Variants in C1D observed in about 807,000 individuals in gnomAD.
C1D encodes nuclear nucleic acid-binding protein C1D.
Under a neutral mutation model 17.5 loss-of-function variants are expected in C1D, and 10 were observed. That is an observed-to-expected ratio of 0.57 (90% CI 0.35 to 0.97). The LOEUF is 0.97. Among genes scored for constraint, C1D ranks in the 50% least tolerant of loss-of-function variants. The pLI is 0.01. For missense variants in C1D, 136 were observed against 160.1 expected, an observed-to-expected ratio of 0.85 and a Z score of 0.81; for synonymous variants, 49 against 54.0, an observed-to-expected ratio of 0.91 and a Z score of 0.40.
At chr2:68,049,678 T>A (rs1055016760) in intron 1 of C1D, among the ~76,000 whole-genome samples, 2 of 152,160 alleles carry the variant, frequency 1.3e-5, no homozygotes, top group African/African-American at 4.8e-5. Flanking sequence ...TGTTTAAGAA[T>A]ACAGAGAAAG....
chr2:68,049,142 A>T (rs1175655535), intron 1 of C1D, among the ~76,000 whole-genome samples: 8 of 151,748 alleles, frequency 5.3e-5, no homozygotes, highest in African/African-American at 1.2e-4. Context: ...GGTTGCAGTG[A>T]GCCAAGATTG....
chr2:68,053,340 C>A, intron 1 of C1D: 1 of 922,448 alleles, frequency 1.1e-6, no homozygotes. Flanking sequence ...TGCATAGCAT[C>A]ACATACAGAA....
In C1D at chr2:68,057,934, G is replaced by C. The variant is rs78597443; in HGVS notation, c.-10+5024C>G. Among the ~76,000 whole-genome samples, 618 of 152,294 alleles carry C rather than the reference G, an allele frequency of 4.1e-3. 5 individuals are homozygous for C. Among genetic ancestry groups the C allele is most frequent in the East Asian group, 0.014 (71 of 5,186 alleles). On this transcript the variant is annotated intron_variant, in intron 1 of 4. Transcript: ENST00000410067. ...ACATGGCCATACCTCCCAGTCAACT[G>C]GTTTAAAGATGCTTTTGCAAGTTCT...
At chr2:68,057,862 T>G (rs563098358) in intron 1 of C1D, among the ~76,000 whole-genome samples, 3 of 152,302 alleles carry the variant, frequency 2.0e-5, no homozygotes, top group Non-Finnish European at 4.4e-5. Context: ...CAGGCGGCTA[T>G]TTTCCTCTAT....
chr2:68,046,660 A>G (rs959849286), intron 2 of C1D: 4 of 401,968 alleles, frequency 1.0e-5, no homozygotes, highest in Admixed American at 4.2e-5. Context: ...AGGAAAGTGC[A>G]TAACCCAAGA....
chr2:68,049,897 A>AAGAGACAGCCAGG (rs1671233743), intron 1 of C1D, among the ~76,000 whole-genome samples: 1 of 152,262 alleles, frequency 6.6e-6, no homozygotes, highest in South Asian at 2.1e-4. Context: ...GTTAAAAGGC[A>AAGAGACAGCCAGG]AGAGACAGCC....
Position 68,042,847 on chromosome 2 carries a change from G to GGGGAA in C1D, c.*41_*42insTTCCC. 3.2e-6 allele frequency: 1 copy of GGGGAA among 317,344 alleles called. No homozygotes were observed. Among genetic ancestry groups the GGGGAA allele is most frequent in the Non-Finnish European group, 5.5e-6 (1 of 182,068 alleles). 19.7% of individuals were successfully genotyped at this position (317,344 alleles called of 1,614,324 possible). ...ATTTTGCGGGGGGGGGGGGGGGGGG[G>GGGGAA]AAGATGTACTTTTTGAATATGTGTA... On this transcript the variant is annotated 3_prime_UTR_variant, in exon 5 of 5. Transcript: ENST00000410067.
rs1465819319 is a variant in C1D, at chr2:68,041,160, A to G, written c.*1729T>C. 6.6e-6 allele frequency: 1 copy of G among 152,018 alleles called. No individual in the cohort carries two copies. Among genetic ancestry groups the G allele is most frequent in the Non-Finnish European group, 1.5e-5 (1 of 67,862 alleles). The allele number at this position is 152,018 out of a possible 1,614,324, so 9.4% of individuals were successfully genotyped here. On this transcript the variant is annotated 3_prime_UTR_variant, in exon 5 of 5. Transcript: ENST00000410067. ...CCATTCAGCTCCTTATTACGTGCTA[A>G]GTATTTAAAATTATACATAATAAAA...
intron 1 of C1D, among the ~76,000 whole-genome samples, chr2:68,061,338 T>G (rs1208888674): frequency 6.6e-6 from 1 of 152,212 alleles, no homozygotes; most frequent in African/African-American, 2.4e-5. Context: ...AATTCCTGAG[T>G]AAATATAGAC....
At chr2:68,058,742 A>T (rs1029726449) in intron 1 of C1D, among the ~76,000 whole-genome samples, 1 of 152,112 alleles carries the variant, frequency 6.6e-6, no homozygotes, top group Non-Finnish European at 1.5e-5. Context: ...CTTAACTCCC[A>T]TCTTTACCCT....
At chr2:68,060,880 T>C (rs912133647) in intron 1 of C1D, among the ~76,000 whole-genome samples, 5 of 152,082 alleles carry the variant, frequency 3.3e-5, no homozygotes, top group African/African-American at 1.2e-4. Context: ...CATAATGTCT[T>C]GTCATGTATT....
chr2:68,062,441 T>C (rs1343477567), intron 1 of C1D, among the ~76,000 whole-genome samples: 3 of 152,176 alleles, frequency 2.0e-5, no homozygotes, highest in African/African-American at 2.4e-5. Context: ...CCACTACAGA[T>C]TTCAGCTAAA....
In C1D at chr2:68,053,060, C is replaced by T. The variant is rs185759972; in HGVS notation, c.-9-5741G>A. 8.5e-5 allele frequency: 132 copies of T among 1,550,332 alleles called. No individual in the cohort carries two copies. In the African/African-American group the frequency reaches 1.5e-3, roughly 18 times the overall value. Reference sequence around the variant, plus strand: ...AATTTCCAAAGAAGAAAAGAACTCACCCAGCTCTGCTCCTCACCCTCCTCC... The same window carrying T: ...AATTTCCAAAGAAGAAAAGAACTCATCCAGCTCTGCTCCTCACCCTCCTCC... On this transcript the variant is annotated intron_variant, in intron 1 of 4. Transcript: ENST00000410067.
At chr2:68,054,376 G>A (rs922001118) in intron 1 of C1D, among the ~76,000 whole-genome samples, 8 of 152,142 alleles carry the variant, frequency 5.3e-5, no homozygotes, top group African/African-American at 1.9e-4. Context: ...GCAAGAAACT[G>A]GTTTACATAG....
At position 68,046,050 on chromosome 2, in the gene C1D, G is replaced by C. The variant is rs560414193; in HGVS notation, c.206-7C>G. The C allele has an allele frequency of 6.4e-7, 1 of 1,566,302 alleles. No homozygotes were observed. Among genetic ancestry groups the C allele is most frequent in the Non-Finnish European group, 8.7e-7 (1 of 1,151,450 alleles). On this transcript the variant is annotated splice_region_variant and splice_polypyrimidine_tract_variant and intron_variant, in intron 3 of 4. Transcript: ENST00000410067. Reference sequence around the variant, plus strand: ...CCTTGGGTTGCCAAATAAACTACAAGAGAAAAATTTCATGGAATAAAATGG... The same window carrying C: ...CCTTGGGTTGCCAAATAAACTACAACAGAAAAATTTCATGGAATAAAATGG...
intron 4 of C1D, among the ~76,000 whole-genome samples, chr2:68,044,721 A>G (rs1490448537): frequency 6.6e-6 from 1 of 152,134 alleles, no homozygotes; most frequent in African/African-American, 2.4e-5. Flanking sequence ...AAAAGAAAAA[A>G]AAAGAAAAAG....
At chr2:68,045,017 C>G (rs1026995359) in intron 4 of C1D, among the ~76,000 whole-genome samples, 1 of 152,094 alleles carries the variant, frequency 6.6e-6, no homozygotes, top group East Asian at 1.9e-4. Flanking sequence ...TTGCTTTATA[C>G]TTTTGCTTTA....
intron 2 of C1D, among the ~76,000 whole-genome samples, 169 bp downstream of exon 2, chr2:68,047,004 G>A (rs1671145192): frequency 6.6e-6 from 1 of 151,982 alleles, no homozygotes; most frequent in East Asian, 1.9e-4. Context: ...CCTAAGGCTG[G>A]AGTTTTCTTT....
chr2:68,058,603 G>A (rs1478282389), intron 1 of C1D, among the ~76,000 whole-genome samples: 1 of 152,278 alleles, frequency 6.6e-6, no homozygotes, highest in South Asian at 2.1e-4. Flanking sequence ...AACTCAAATC[G>A]AATGGAGGAG....
Sources: allele counts gnomAD v4.1 joint callset (sites outside exome capture counted in the v4.1 genomes callset), GRCh38; gene constraint gnomAD v4.1.1; transcripts MANE v1.5; gene names NCBI Gene and HGNC (gene_info 2026-07-23, HGNC 2026-07-21).